Variants in PLCL1 observed in about 807,000 individuals in gnomAD.
PLCL1 encodes phospholipase C like 1 (inactive).
PLCL1 carries 41 observed loss-of-function variants against 84.4 expected under a neutral mutation model. The observed-to-expected ratio is 0.49, with a 90% CI of 0.38 to 0.63. The LOEUF (loss-of-function observed/expected upper bound fraction) is 0.63. PLCL1 is among the 30% of genes least tolerant of loss of function. PLCL1 has a pLI of 0.00. For missense variants in PLCL1, 1,206 were observed against 1,367.8 expected (o/e 0.88, Z 1.87); for synonymous variants, 490 against 488.3 (o/e 1.00, Z -0.05).
Position 197,804,947 on chromosome 2 carries a change from C to A in PLCL1, c.-153C>A. 1 of 905,014 alleles carries A rather than the reference C, an allele frequency of 1.1e-6. No individual in the cohort carries two copies. The allele number at this position is 905,014 out of a possible 1,614,324, so 56.1% of individuals were successfully genotyped here. A position where few individuals can be genotyped will look rare whatever the true frequency, so the allele number is the denominator to read the frequency against. Reference sequence around the variant, plus strand: ...ATGTCCCCTCTCCAGAAAGTTGCCGCCGCCGCCGCCGCCGCCGCCACTGCC... The same window carrying A: ...ATGTCCCCTCTCCAGAAAGTTGCCGACGCCGCCGCCGCCGCCGCCACTGCC... On this transcript the variant is annotated 5_prime_UTR_variant, in exon 1 of 6. Coordinates refer to ENST00000428675, the MANE Select transcript of PLCL1 (RefSeq NM_006226.4).
At chr2:198,021,816 A>G (rs1472244242) in intron 1 of PLCL1, among the ~76,000 whole-genome samples, 1 of 152,244 alleles carries the variant, frequency 6.6e-6, no homozygotes, top group African/African-American at 2.4e-5. Context: ...TATCAGAGGT[A>G]CAAAGACAAG....
At chr2:197,962,123 C>A (rs1689635742) in intron 1 of PLCL1, among the ~76,000 whole-genome samples, 1 of 152,010 alleles carries the variant, frequency 6.6e-6, no homozygotes, top group Non-Finnish European at 1.5e-5. Context: ...TTTATCTTAA[C>A]TCTTATCCTC....
chr2:198,101,326 A>G lies in PLCL1; in HGVS notation c.2961A>G (p.Thr987=), dbSNP rs1469324964. The G allele has an allele frequency of 6.3e-7, 1 of 1,598,200 alleles. No homozygotes were observed. The highest frequency in any genetic ancestry group is 2.2e-5 in the East Asian group (1 of 44,630). The change falls in exon 4 of 6, where the codon ACA becomes ACG. Residue 987 remains threonine (T), a synonymous_variant. Coordinates refer to ENST00000428675, the MANE Select transcript of PLCL1 (RefSeq NM_006226.4). ...ESRFLIEMAD[T]VQEKIVQCQK... Reference sequence around the variant, plus strand: ...GGTTTCTCATAGAAATGGCGGACACAGTCCAGGAAAAGATTGTACAGTGTC... The same window carrying G: ...GGTTTCTCATAGAAATGGCGGACACGGTCCAGGAAAAGATTGTACAGTGTC...
chr2:198,099,500 A>C (rs575322060), intron 3 of PLCL1, among the ~76,000 whole-genome samples: 4 of 152,132 alleles, frequency 2.6e-5, no homozygotes, highest in Admixed American at 6.6e-5. Flanking sequence ...ATACAATAGA[A>C]GCTGTTGACA....
intron 1 of PLCL1, among the ~76,000 whole-genome samples, chr2:198,006,501 G>A (rs772258982): frequency 1.3e-5 from 2 of 152,162 alleles, no homozygotes; most frequent in South Asian, 2.1e-4. Context: ...CTCTGGAGGC[G>A]TGTTGCCTCA....
At position 198,085,581 on chromosome 2, in the gene PLCL1, C is replaced by T. The variant is rs1449822807; in HGVS notation, c.2064C>T (p.Asn688=). Residue 688 remains asparagine (N), a synonymous_variant, in exon 2 of 6, where the codon AAC becomes AAT. Transcript: ENST00000428675. The surrounding 1 kb of genome is among the most constrained non-coding windows in gnomAD (Gnocchi z 5.3). ...MDLHTGWFLQ[N]GGCGYVLRPS... is the part of the protein sequence containing the mutation. The stretch of plus-strand genomic sequence containing the variant: ...TTCACACGGGCTGGTTTCTTCAAAA[C>T]GGGGGATGTGGTTATGTTCTAAGGC... 4 of 1,613,962 alleles carry T rather than the reference C, an allele frequency of 2.5e-6. No individual in the cohort carries two copies. The highest frequency in any genetic ancestry group is 2.2e-5 in the South Asian group (2 of 91,076).
chr2:198,117,351 A>G (rs1693769943), intron 5 of PLCL1, among the ~76,000 whole-genome samples: 2 of 110,096 alleles, frequency 1.8e-5, no homozygotes, highest in South Asian at 2.9e-4. Context: ...TTTTTTTTTC[A>G]GATTCAATTG....
chr2:198,029,426 G>T (rs1469773873), intron 1 of PLCL1, among the ~76,000 whole-genome samples: 3 of 152,136 alleles, frequency 2.0e-5, no homozygotes, highest in African/African-American at 7.2e-5. Flanking sequence ...TTCCTGTTGT[G>T]AGGATGAGAT....
In PLCL1 at chr2:198,125,892, C is replaced by A. The variant is rs76389885; in HGVS notation, c.3106-20888C>A. On this transcript the variant is annotated intron_variant, in intron 5 of 5. Coordinates refer to ENST00000428675, the MANE Select transcript of PLCL1 (RefSeq NM_006226.4). ...CATGGGATCCTCCTAGTAGACCGAG[C>A]AGAATGCTCCAGTGTTTGTTCTGAA... Among the ~76,000 whole-genome samples the A allele has an allele frequency of 5.8e-3, 883 of 152,224 alleles. 61 individuals carry two copies. In the East Asian group the frequency reaches 0.15, roughly 26 times the overall value.
intron 1 of PLCL1, among the ~76,000 whole-genome samples, chr2:197,971,632 A>G (rs1223723700): frequency 6.6e-6 from 1 of 152,218 alleles, no homozygotes; most frequent in Non-Finnish European, 1.5e-5. Context: ...ATACTATTCC[A>G]TGTGCATAAA....
chr2:198,076,697 T>G (rs1692582646), intron 1 of PLCL1, among the ~76,000 whole-genome samples: 2 of 152,192 alleles, frequency 1.3e-5, no homozygotes, highest in Non-Finnish European at 2.9e-5. Context: ...CATAAATAAG[T>G]GCATCACCTG....
intron 1 of PLCL1, among the ~76,000 whole-genome samples, chr2:198,007,531 G>A (rs1690756979): frequency 6.6e-6 from 1 of 152,142 alleles, no homozygotes; most frequent in South Asian, 2.1e-4. Context: ...GCACAAGGGA[G>A]CCCACTGATG....
chr2:197,909,275 C>T (rs921066838), intron 1 of PLCL1, among the ~76,000 whole-genome samples: 1 of 151,974 alleles, frequency 6.6e-6, no homozygotes, highest in Non-Finnish European at 1.5e-5. Flanking sequence ...CTTGCCCATT[C>T]TGGTTTGAAA....
chr2:198,127,336 G>GA (rs1426631153), intron 5 of PLCL1, among the ~76,000 whole-genome samples: 2 of 152,140 alleles, frequency 1.3e-5, no homozygotes, highest in Admixed American at 1.3e-4. Flanking sequence ...CATCATGTTA[G>GA]ATTAAGTTGT....
At chr2:197,886,432 AAAAAAAAAAAAAAAAAAAAAG>A (rs1687924619) in intron 1 of PLCL1, among the ~76,000 whole-genome samples, 7 of 51,668 alleles carry the variant, frequency 1.4e-4, no homozygotes, top group Admixed American at 3.3e-4. Flanking sequence ...AAAAAAAAAA[AAAAAAAAAAAAAAAAAAAAAG>A]TAAAATTCTT....
At chr2:198,049,335 A>G (rs759941171) in intron 1 of PLCL1, among the ~76,000 whole-genome samples, 3 of 152,198 alleles carry the variant, frequency 2.0e-5, no homozygotes, top group Non-Finnish European at 2.9e-5. Flanking sequence ...TAAATCTTTT[A>G]TAGAAGAGTG....
intron 4 of PLCL1, 26 bp downstream of exon 4, chr2:198,101,386 G>GT (rs376737048): frequency 0.047 from 48,151 of 1,022,170 alleles, 319 homozygotes; most frequent in African/African-American, 0.12. Flanking sequence ...TTTTTTTTCT[G>GT]TTTTTTTTTT....
intron 1 of PLCL1, among the ~76,000 whole-genome samples, chr2:197,858,300 AAAAT>A (rs757720176): frequency 1.3e-5 from 2 of 152,256 alleles, no homozygotes; most frequent in Non-Finnish European, 2.9e-5. Flanking sequence ...CTCCTCTTGT[AAAAT>A]AAAGTAATGC....
At chr2:198,040,924 A>G (rs974811831) in intron 1 of PLCL1, among the ~76,000 whole-genome samples, 2 of 152,218 alleles carry the variant, frequency 1.3e-5, no homozygotes, top group Non-Finnish European at 2.9e-5. Context: ...TCTACTCAGT[A>G]AATAGGCCAA....
Sources: allele counts gnomAD v4.1 joint callset (sites outside exome capture counted in the v4.1 genomes callset), GRCh38; gene constraint gnomAD v4.1.1; non-coding constraint Gnocchi (gnomAD v3.1); transcripts MANE v1.5; gene names NCBI Gene and HGNC (gene_info 2026-07-23, HGNC 2026-07-21).